NNMT: variants seen among roughly 807,000 people sequenced by gnomAD.
NNMT encodes nicotinamide N-methyltransferase.
In NNMT, 10 loss-of-function variants were observed where a neutral mutation model predicts 11.7. The observed-to-expected ratio is 0.85, with a 90% CI of 0.53 to 1.45. The LOEUF (loss-of-function observed/expected upper bound fraction) is 1.45. Ranked by LOEUF, NNMT falls within the 40% of genes most tolerant of loss-of-function variation. The pLI is 0.00. For missense variants in NNMT, 381 were observed against 319.4 expected, an observed-to-expected ratio of 1.19 and a Z score of -1.47; for synonymous variants, 143 against 133.8, an observed-to-expected ratio of 1.07 and a Z score of -0.48.
chr11:114,283,735 A>G (rs1013512931), intron 2 of NNMT, among the ~76,000 whole-genome samples: 2 of 152,080 alleles, frequency 1.3e-5, no homozygotes, highest in Non-Finnish European at 2.9e-5. Flanking sequence ...TTTTTTTTCA[A>G]TTTAATAAGC....
chr11:114,284,545 C>G (rs1456869192), intron 2 of NNMT, among the ~76,000 whole-genome samples: 2 of 152,110 alleles, frequency 1.3e-5, no homozygotes, highest in Non-Finnish European at 2.9e-5. Flanking sequence ...CTCACTGCAA[C>G]CTCCGCCTCC....
intron 1 of NNMT, among the ~76,000 whole-genome samples, chr11:114,258,853 C>T (rs148200152): frequency 3.9e-5 from 6 of 152,226 alleles, no homozygotes; most frequent in South Asian, 2.1e-4. Flanking sequence ...TGGGCCACAC[C>T]GAGCTCCATT....
chr11:114,306,697 C>T (rs559039514), intron 2 of NNMT, among the ~76,000 whole-genome samples: 17 of 152,168 alleles, frequency 1.1e-4, no homozygotes, highest in African/African-American at 4.1e-4. Flanking sequence ...TGTTCTGTTC[C>T]ATTGTTCTAC....
At chr11:114,296,759 G>T in intron 1 of NNMT, 49 bp downstream of exon 1, 1 of 1,575,134 alleles carries the variant, frequency 6.3e-7, no homozygotes, top group South Asian at 1.1e-5. Context: ...TCATATAGAT[G>T]GAGTCTCAGG....
intron 2 of NNMT, among the ~76,000 whole-genome samples, chr11:114,301,603 A>G (rs1404793581): frequency 6.6e-6 from 1 of 152,058 alleles, no homozygotes; most frequent in Non-Finnish European, 1.5e-5. Flanking sequence ...AGTGGTTGCT[A>G]GGGGTCGGGG....
intron 1 of NNMT, chr11:114,262,755 C>T (rs559987724): frequency 1.3e-5 from 2 of 152,312 alleles, no homozygotes; most frequent in South Asian, 4.1e-4. Context: ...TATAAAGATC[C>T]TCAGAAAAAC....
chr11:114,300,696 T>A (rs1051937528), intron 2 of NNMT, among the ~76,000 whole-genome samples: 4 of 152,234 alleles, frequency 2.6e-5, no homozygotes, highest in African/African-American at 9.6e-5. Flanking sequence ...TTTTGACACT[T>A]GTTTTTAGCT....
Position 114,312,565 on chromosome 11 carries a change from GAGGCTC to G in NNMT, c.*91_*96del. On this transcript the variant is annotated 3_prime_UTR_variant, in exon 3 of 3. Transcript: ENST00000299964. Reference sequence around the variant, plus strand: ...TAACTGCCAAGTCATGTGCTGAGTAGAGGCTCAGTGGTTGGGGCCCAATGGTTCATC... The same window carrying G: ...TAACTGCCAAGTCATGTGCTGAGTAGAGTGGTTGGGGCCCAATGGTTCATC... 7.5e-7 allele frequency: 1 copy of G among 1,334,532 alleles called. No individual in the cohort carries two copies. Among genetic ancestry groups the G allele is most frequent in the South Asian group, 1.3e-5 (1 of 75,374 alleles). 82.7% of individuals were successfully genotyped at this position (1,334,532 alleles called of 1,614,324 possible).
intron 2 of NNMT, among the ~76,000 whole-genome samples, chr11:114,310,260 G>A (rs1166644029): frequency 6.6e-6 from 1 of 152,136 alleles, no homozygotes. Flanking sequence ...GCAAATCCTT[G>A]CCAACACTTG....
intron 2 of NNMT, among the ~76,000 whole-genome samples, chr11:114,304,815 C>T (rs1945473822): frequency 6.6e-6 from 1 of 152,072 alleles, no homozygotes; most frequent in South Asian, 2.1e-4. Flanking sequence ...GACTGGCTGG[C>T]AGAGTGACAC....
intron 1 of NNMT, among the ~76,000 whole-genome samples, chr11:114,258,100 G>C (rs1010248475): frequency 6.6e-6 from 1 of 152,174 alleles, no homozygotes; most frequent in Non-Finnish European, 1.5e-5. Context: ...ACTGCCCTCT[G>C]CCCCAACCCT....
intron 2 of NNMT, among the ~76,000 whole-genome samples, chr11:114,280,499 C>T (rs1229149822): frequency 1.3e-5 from 2 of 152,182 alleles, no homozygotes; most frequent in Non-Finnish European, 1.5e-5. Context: ...GTTGCACACC[C>T]TGTCTGCCCG....
intron 2 of NNMT, among the ~76,000 whole-genome samples, chr11:114,281,919 C>T (rs887776633): frequency 3.3e-5 from 5 of 152,196 alleles, no homozygotes; most frequent in African/African-American, 1.2e-4. Flanking sequence ...GACTCCTGTG[C>T]GAACTAGAGA....
At position 114,296,477 on chromosome 11, in the gene NNMT, C is replaced by A; in HGVS notation, c.-80C>A. 1 of 1,490,726 alleles carries A rather than the reference C, an allele frequency of 6.7e-7. No individual in the cohort carries two copies. Among genetic ancestry groups the A allele is most frequent in the Non-Finnish European group, 9.1e-7 (1 of 1,098,590 alleles). The allele number at this position is 1,490,726 out of a possible 1,614,324, so 92.3% of individuals were successfully genotyped here. On this transcript the variant is annotated 5_prime_UTR_variant, in exon 1 of 3. Transcript: ENST00000299964. ...GCTGTTAGCCTGAGACTCAGGAAGACAACTTCTGCAGGGTCACTCCCTGGC... is the reference window on the plus strand; with the variant it reads ...GCTGTTAGCCTGAGACTCAGGAAGAAAACTTCTGCAGGGTCACTCCCTGGC...
intron 2 of NNMT, among the ~76,000 whole-genome samples, chr11:114,277,937 C>A (rs1945226564): frequency 6.6e-6 from 1 of 152,198 alleles, no homozygotes; most frequent in Non-Finnish European, 1.5e-5. Context: ...CCTCATGCAC[C>A]TACTCTGCCT....
chr11:114,304,056 T>A (rs1945467102), intron 2 of NNMT, among the ~76,000 whole-genome samples: 1 of 152,248 alleles, frequency 6.6e-6, no homozygotes, highest in Non-Finnish European at 1.5e-5. Context: ...GTTGACTATG[T>A]GATTCTACAG....
intron 1 of NNMT, among the ~76,000 whole-genome samples, chr11:114,297,584 C>G (rs1208856354): frequency 6.6e-6 from 1 of 150,600 alleles, no homozygotes; most frequent in Non-Finnish European, 1.5e-5. Flanking sequence ...CTCCTGGACT[C>G]AAGGGATCCT....
At chr11:114,309,021 A>G (rs993924220) in intron 2 of NNMT, among the ~76,000 whole-genome samples, 1 of 152,316 alleles carries the variant, frequency 6.6e-6, no homozygotes, top group South Asian at 2.1e-4. Context: ...CTTAATACGC[A>G]ATAGGGCACG....
At chr11:114,280,893 G>A (rs1348592131) in intron 2 of NNMT, among the ~76,000 whole-genome samples, 1 of 152,148 alleles carries the variant, frequency 6.6e-6, no homozygotes, top group Non-Finnish European at 1.5e-5. Context: ...CTGCACTCCT[G>A]TTCTCCCAGA....
Sources: gnomAD v4.1 joint callset for allele counts (sites outside exome capture counted in the v4.1 genomes callset) on GRCh38, gnomAD v4.1.1 for gene constraint, MANE v1.5 for transcripts, NCBI Gene and HGNC (gene_info 2026-07-23, HGNC 2026-07-21) for gene names.